The following SLC44A1 variants were observed in gnomAD, a reference collection of about 807,000 sequenced individuals.
SLC44A1 encodes the protein solute carrier family 44 member 1, also known as choline transporter-like protein 1.
Under a neutral mutation model 79.3 loss-of-function variants are expected in SLC44A1, and 26 were observed. The observed-to-expected ratio is 0.33, with a 90% confidence interval of 0.24 to 0.46. SLC44A1 has a LOEUF of 0.46. SLC44A1 is among the 20% of genes least tolerant of loss of function. SLC44A1 has a pLI of 1.00. For missense variants in SLC44A1, 688 were observed against 798.1 expected (o/e 0.86, Z 1.66); for synonymous variants, 263 against 286.2 (o/e 0.92, Z 0.82).
At chr9:105,438,239 C>T (rs1279660499) in intron 15 of SLC44A1, 7 of 1,536,092 alleles carry the variant, frequency 4.6e-6, no homozygotes, top group Non-Finnish European at 2.6e-6. Flanking sequence ...TGTCATGTTC[C>T]CCTAGGACAG....
intron 5 of SLC44A1, among the ~76,000 whole-genome samples, chr9:105,350,964 T>G (rs188560410): frequency 8.5e-5 from 13 of 152,330 alleles, no homozygotes; most frequent in Non-Finnish European, 1.9e-4. Flanking sequence ...TTACCATTCC[T>G]AAAAGCTTTT....
intron 1 of SLC44A1, among the ~76,000 whole-genome samples, chr9:105,283,978 C>T (rs1369453346): frequency 6.6e-6 from 1 of 152,162 alleles, no homozygotes. Context: ...GGTGCAGCCT[C>T]AGTTCAGTAG....
Position 105,395,478 on chromosome 9 carries a change from C to T in SLC44A1, c.*6422C>T. On this transcript the variant is annotated 3_prime_UTR_variant, in exon 16 of 16. Coordinates refer to ENST00000374720, the MANE Select transcript of SLC44A1 (RefSeq NM_080546.5). ...AGGTGATCCACCCGCCTCAGCCTCC[C>T]AAAGTGCTGGGATTACAGGCATGAG... is the stretch of plus-strand genomic sequence containing the variant. The T allele has an allele frequency of 1.1e-6, 1 of 911,344 alleles. No individual in the cohort carries two copies. The highest frequency in any genetic ancestry group is 1.3e-6 in the Non-Finnish European group (1 of 762,282). The allele number at this position is 911,344 out of a possible 1,614,324, so 56.5% of individuals were successfully genotyped here.
chr9:105,325,444 T>C (rs950823176), intron 3 of SLC44A1, among the ~76,000 whole-genome samples: 4 of 152,208 alleles, frequency 2.6e-5, no homozygotes, highest in Non-Finnish European at 2.9e-5. Flanking sequence ...GTATTTCTTA[T>C]AATTATGGAG....
chr9:105,287,787 C>T (rs879022606), intron 1 of SLC44A1, among the ~76,000 whole-genome samples: 1 of 152,116 alleles, frequency 6.6e-6, no homozygotes, highest in Non-Finnish European at 1.5e-5. Context: ...GCCAGTTTTC[C>T]TGCATTCTTC....
intron 1 of SLC44A1, among the ~76,000 whole-genome samples, chr9:105,266,539 T>C (rs1233278098): frequency 2.0e-5 from 3 of 152,242 alleles, no homozygotes; most frequent in Non-Finnish European, 4.4e-5. Context: ...AATATCCATT[T>C]ATTTCAGTGC....
chr9:105,336,111 CAT>C lies in SLC44A1; in HGVS notation c.406+414_406+415del, dbSNP rs1371590740. Among the ~76,000 whole-genome samples, 6 of 149,678 alleles carry C rather than the reference CAT, an allele frequency of 4.0e-5. No homozygotes were observed. In the East Asian group the frequency reaches 1.2e-3, roughly 29 times the overall value. ...TTTATATGTTGAAACAATATATATA[CAT>C]ACATATGTGTGTGTGTGTGCATGTG... On this transcript the variant is annotated intron_variant, in intron 4 of 15. Transcript: ENST00000374720.
intron 3 of SLC44A1, among the ~76,000 whole-genome samples, chr9:105,324,070 A>G (rs558247744): frequency 2.0e-5 from 3 of 151,454 alleles, no homozygotes; most frequent in South Asian, 2.1e-4. Context: ...GGTGCGATCT[A>G]GGCTCACTGC....
At chr9:105,321,738 A>C (rs565128890) in intron 3 of SLC44A1, among the ~76,000 whole-genome samples, 47 of 152,186 alleles carry the variant, frequency 3.1e-4, no homozygotes, top group African/African-American at 1.0e-3. Flanking sequence ...AATGAAAAAT[A>C]TAATACTTGT....
At chr9:105,359,580 A>G (rs1827721699) in intron 7 of SLC44A1, among the ~76,000 whole-genome samples, 1 of 152,204 alleles carries the variant, frequency 6.6e-6, no homozygotes. Flanking sequence ...AAATTTTAAT[A>G]ATAAATACTG....
chr9:105,281,670 A>G (rs1830356279), intron 1 of SLC44A1, among the ~76,000 whole-genome samples: 1 of 152,160 alleles, frequency 6.6e-6, no homozygotes, highest in Admixed American at 6.5e-5. Flanking sequence ...TTTATTCTAC[A>G]GTGGATGACT....
Position 105,393,654 on chromosome 9 carries a change from T to A in SLC44A1, c.*4598T>A. Reference sequence around the variant, plus strand: ...GTGCCCTTTCTTCCCATCTTGATTTTGTACATGTAAAGACAAATGATGATT... The same window carrying A: ...GTGCCCTTTCTTCCCATCTTGATTTAGTACATGTAAAGACAAATGATGATT... On this transcript the variant is annotated 3_prime_UTR_variant, in exon 16 of 16. Transcript: ENST00000374720. The A allele has an allele frequency of 1.0e-6, 1 of 984,676 alleles. No homozygotes were observed. Among genetic ancestry groups the A allele is most frequent in the Non-Finnish European group, 1.2e-6 (1 of 829,226 alleles). 61.0% of individuals were successfully genotyped at this position (984,676 alleles called of 1,614,324 possible).
intron 1 of SLC44A1, among the ~76,000 whole-genome samples, chr9:105,254,045 C>T (rs969922423): frequency 1.3e-5 from 2 of 151,898 alleles, no homozygotes; most frequent in Non-Finnish European, 2.9e-5. Context: ...AACAAAGAAA[C>T]AAACAAATAA....
downstream of SLC44A1, among the ~76,000 whole-genome samples, chr9:105,399,494 A>G (rs918197990): frequency 1.4e-5 from 2 of 147,670 alleles, no homozygotes; most frequent in African/African-American, 4.9e-5. Flanking sequence ...TTTAACACAC[A>G]CACACACAAG....
rs1003426063 is a variant in SLC44A1 at position 105,389,991 on chromosome 9, AGTAAC to A, written c.*938_*942del. ...TCCGGTGCTTGGGCTTCGGCTTCAGAGTAACGTCAGTGGCTTAGGGTTAAACGGCC... is the reference window on the plus strand; with the variant it reads ...TCCGGTGCTTGGGCTTCGGCTTCAGAGTCAGTGGCTTAGGGTTAAACGGCC... On this transcript the variant is annotated 3_prime_UTR_variant, in exon 16 of 16. Transcript: ENST00000374720. 6.4e-5 allele frequency: 92 copies of A among 1,444,076 alleles called. No individual in the cohort carries two copies. The African/African-American group carries it at 1.1e-3, about 17-fold the overall frequency. The allele number at this position is 1,444,076 out of a possible 1,614,324, so 89.5% of individuals were successfully genotyped here. A position where few individuals can be genotyped will look rare whatever the true frequency, so the allele number is the denominator to read the frequency against.
intron 1 of SLC44A1, among the ~76,000 whole-genome samples, chr9:105,292,388 C>T (rs753374033): frequency 1.3e-5 from 2 of 152,090 alleles, no homozygotes; most frequent in Admixed American, 6.6e-5. Context: ...GGCTGAAAGG[C>T]CTCTTCCTAA....
At chr9:105,346,108 G>A (rs1366073856) in intron 4 of SLC44A1, among the ~76,000 whole-genome samples, 14 of 151,772 alleles carry the variant, frequency 9.2e-5, no homozygotes, top group Admixed American at 7.2e-4. Flanking sequence ...TTGTTTTAAT[G>A]TTCTTCATTG....
rs1828607255 is a variant in SLC44A1, at chr9:105,385,578, T to A, written c.1950+76T>A. The A allele has an allele frequency of 7.1e-6, 11 of 1,540,462 alleles. No homozygotes were observed. In the South Asian group the frequency reaches 1.3e-4, roughly 19 times the overall value. ...CCTCTCTCTCTCTGTCTTCACTGAC[T>A]GCACTTCTTCAGGAGAAGCTTTTGT... On this transcript the variant is annotated intron_variant, in intron 15 of 15. Coordinates refer to ENST00000374720, the MANE Select transcript of SLC44A1 (RefSeq NM_080546.5).
intron 15 of SLC44A1, among the ~76,000 whole-genome samples, chr9:105,429,880 T>TAA (rs1829370299): frequency 1.4e-5 from 2 of 145,368 alleles, no homozygotes; most frequent in Non-Finnish European, 2.9e-5. Flanking sequence ...ACCTTAATTA[T>TAA]AGGTTGTAAA....
Sources: allele counts gnomAD v4.1 joint callset (sites outside exome capture counted in the v4.1 genomes callset), GRCh38; gene constraint gnomAD v4.1.1; transcripts MANE v1.5; gene names NCBI Gene and HGNC (gene_info 2026-07-23, HGNC 2026-07-21).